RIN3: variants seen among roughly 807,000 people sequenced by gnomAD.
RIN3 encodes the protein Ras and Rab interactor 3, also known as RAB5 interacting protein 3.
RIN3 carries 54 observed loss-of-function variants against 76.3 expected under a neutral mutation model. The ratio of observed to expected loss-of-function variants is 0.71; its 90% CI spans 0.57 to 0.89. The LOEUF (loss-of-function observed/expected upper bound fraction) is 0.89. Among genes scored for constraint, RIN3 ranks in the 40% least tolerant of loss-of-function variants. The pLI is 0.00. For synonymous variants in RIN3, 576 were observed against 564.0 expected, an observed-to-expected ratio of 1.02 and a Z score of -0.30; for missense variants, 1,256 against 1,322.1, an observed-to-expected ratio of 0.95 and a Z score of 0.78.
intron 3 of RIN3, among the ~76,000 whole-genome samples, chr14:92,604,298 G>T (rs1885450034): frequency 1.3e-5 from 2 of 152,250 alleles, no homozygotes; most frequent in South Asian, 2.1e-4. Context: ...TATCCTCAGG[G>T]TCTGCGCCCC....
At chr14:92,676,692 C>A in intron 8 of RIN3, 86 bp downstream of exon 8, 2 of 1,447,966 alleles carry the variant, frequency 1.4e-6, no homozygotes, top group Admixed American at 1.8e-5. Flanking sequence ...CCAACAAGCA[C>A]CTCCTGGATG....
At chr14:92,663,972 T>C (rs1248615802) in intron 7 of RIN3, among the ~76,000 whole-genome samples, 1 of 152,182 alleles carries the variant, frequency 6.6e-6, no homozygotes, top group Non-Finnish European at 1.5e-5. Flanking sequence ...CGCCTCTCTC[T>C]GGGCTATTGT....
At position 92,539,195 on chromosome 14, in the gene RIN3, T is replaced by C. The variant is rs1272967138; in HGVS notation, c.45-16556T>C. Among the ~76,000 whole-genome samples the C allele has an allele frequency of 2.6e-5, 4 of 152,152 alleles. No individual in the cohort carries two copies. In the South Asian group the frequency reaches 6.2e-4, roughly 24 times the overall value. Reference sequence around the variant, plus strand: ...TGGGGATCTTGGGGTGGGGGGGATGTCAGCTGCTCTTTCATATGACTGTTG... The same window carrying C: ...TGGGGATCTTGGGGTGGGGGGGATGCCAGCTGCTCTTTCATATGACTGTTG... On this transcript the variant is annotated intron_variant, in intron 1 of 9. Coordinates refer to ENST00000216487, the MANE Select transcript of RIN3 (RefSeq NM_024832.5).
At chr14:92,663,708 G>A (rs139859751) in intron 7 of RIN3, among the ~76,000 whole-genome samples, 9 of 152,300 alleles carry the variant, frequency 5.9e-5, no homozygotes, top group Non-Finnish European at 8.8e-5. Flanking sequence ...TGCTCAAATC[G>A]GTTTGGGATT....
At position 92,652,599 on chromosome 14, in the gene RIN3, C is replaced by T. The variant is rs758579918; in HGVS notation, c.1550C>T (p.Ala517Val). ...QAGTQHPPAQ[A>V]TAHSQSSPEF... ...GGGACTCAGCACCCTCCTGCCCAGGCCACTGCCCATTCCCAGAGCTCTCCA... is the reference window on the plus strand; with the variant it reads ...GGGACTCAGCACCCTCCTGCCCAGGTCACTGCCCATTCCCAGAGCTCTCCA... The change falls in exon 6 of 10, where the codon GCC (alanine) becomes GTC (valine). Residue 517 changes from alanine to valine, a missense_variant. Ala to Val is a moderately conservative substitution (Grantham distance 64, BLOSUM62 0). Coordinates refer to ENST00000216487, the MANE Select transcript of RIN3 (RefSeq NM_024832.5). This position sits in a 1 kb window ranked among gnomAD's most constrained non-coding sequence, Gnocchi z 6.4. The T allele has an allele frequency of 6.2e-7, 1 of 1,611,390 alleles. No individual in the cohort carries two copies. The highest frequency in any genetic ancestry group is 1.7e-5 in the Admixed American group (1 of 60,026).
intron 1 of RIN3, among the ~76,000 whole-genome samples, chr14:92,541,383 T>C (rs932362725): frequency 3.9e-5 from 6 of 152,340 alleles, no homozygotes; most frequent in African/African-American, 1.4e-4. Context: ...TCTGTGCTGC[T>C]CAGGGCACAC....
intron 1 of RIN3, among the ~76,000 whole-genome samples, chr14:92,542,561 A>G (rs944481123): frequency 1.3e-5 from 2 of 152,170 alleles, no homozygotes; most frequent in Admixed American, 1.3e-4. Flanking sequence ...GCAATTCCAC[A>G]CCTAGATATA....
chr14:92,658,417 G>A (rs969828051), intron 6 of RIN3, among the ~76,000 whole-genome samples: 7 of 152,348 alleles, frequency 4.6e-5, no homozygotes, highest in African/African-American at 1.7e-4. Context: ...ATGAGTGAGA[G>A]GTCACAGGGC....
Position 92,513,989 on chromosome 14 carries a change from G to A in RIN3, c.44+13G>A. On this transcript the variant is annotated intron_variant, in intron 1 of 9. Transcript: ENST00000216487. ...GGGACCCCACGGGGTAAGTCCGGGCGGCCGCCCCCTCCTCCCTCGCGATCC... is the reference window on the plus strand; with the variant it reads ...GGGACCCCACGGGGTAAGTCCGGGCAGCCGCCCCCTCCTCCCTCGCGATCC... The A allele has an allele frequency of 8.1e-7, 1 of 1,234,184 alleles. No homozygotes were observed. Among genetic ancestry groups the A allele is most frequent in the Non-Finnish European group, 1.0e-6 (1 of 988,196 alleles). The allele number at this position is 1,234,184 out of a possible 1,614,324, so 76.5% of individuals were successfully genotyped here.
chr14:92,621,822 G>C (rs1236940960), intron 4 of RIN3, among the ~76,000 whole-genome samples: 1 of 152,152 alleles, frequency 6.6e-6, no homozygotes, highest in African/African-American at 2.4e-5. Context: ...ACATCTAGAC[G>C]TGTATACACA....
intron 3 of RIN3, among the ~76,000 whole-genome samples, chr14:92,584,655 A>G (rs1884701192): frequency 6.6e-6 from 1 of 151,966 alleles, no homozygotes; most frequent in Non-Finnish European, 1.5e-5. Context: ...GGGGCAGGGG[A>G]TGTATGGGAT....
intron 8 of RIN3, among the ~76,000 whole-genome samples, chr14:92,677,600 G>C (rs1888514424): frequency 6.6e-6 from 1 of 152,092 alleles, no homozygotes. Context: ...GTGGCACTGG[G>C]ACCTCTGTAT....
rs528176732 is a variant in RIN3 at position 92,681,229 on chromosome 14, C to T, written c.2468-3758C>T. On this transcript the variant is annotated intron_variant, in intron 8 of 9. Coordinates refer to ENST00000216487, the MANE Select transcript of RIN3 (RefSeq NM_024832.5). The surrounding 1 kb of genome is among the most constrained non-coding windows in gnomAD (Gnocchi z 4.7). Reference sequence around the variant, plus strand: ...AGAGAAAAGCCTGCTCCAGAACTCACGGTAGGGCCGCCTGCCACCTAGTGG... The same window carrying T: ...AGAGAAAAGCCTGCTCCAGAACTCATGGTAGGGCCGCCTGCCACCTAGTGG... Among the ~76,000 whole-genome samples, 227 of 152,284 alleles carry T rather than the reference C, an allele frequency of 1.5e-3. 8 individuals are homozygous for T. In the South Asian group the frequency reaches 0.046, roughly 31 times the overall value.
rs1415093049 is a variant in RIN3, at chr14:92,656,261, C to T, written c.2027-2900C>T. On this transcript the variant is annotated intron_variant, in intron 6 of 9. Coordinates refer to ENST00000216487, the MANE Select transcript of RIN3 (RefSeq NM_024832.5). The surrounding 1 kb of genome is among the most constrained non-coding windows in gnomAD (Gnocchi z 5.2). ...AAGGGATGACAGCGTGGACAAAGGC[C>T]GAGAGGTGGGGAACGAGGCTGGAGG... 1.3e-5 allele frequency among the ~76,000 whole-genome samples: 2 copies of T among 152,168 alleles called. No homozygotes were observed. Among genetic ancestry groups the T allele is most frequent in the South Asian group, 2.1e-4 (1 of 4,824 alleles).
chr14:92,674,660 G>A (rs187227286), intron 7 of RIN3, among the ~76,000 whole-genome samples: 25 of 151,976 alleles, frequency 1.6e-4, no homozygotes, highest in Admixed American at 3.3e-4. Context: ...AGGCTGAGAC[G>A]GGCGGATCAC....
intron 2 of RIN3, among the ~76,000 whole-genome samples, chr14:92,560,313 G>A (rs1280170341): frequency 1.3e-5 from 2 of 152,080 alleles, no homozygotes; most frequent in African/African-American, 4.8e-5. Context: ...CCCTTCTGAG[G>A]GCGTAGCAGC....
intron 3 of RIN3, among the ~76,000 whole-genome samples, chr14:92,591,446 C>G (rs1884976779): frequency 6.6e-6 from 1 of 151,978 alleles, no homozygotes; most frequent in Non-Finnish European, 1.5e-5. Flanking sequence ...CTGAGAACTT[C>G]CTCAAATTAA....
intron 4 of RIN3, 89 bp from the exon 5 acceptor site, chr14:92,641,149 A>G (rs961227537): frequency 3.0e-6 from 3 of 1,004,678 alleles, no homozygotes; most frequent in Non-Finnish European, 4.8e-6. Flanking sequence ...CCTGGCAGCC[A>G]GCAGAGATTG....
chr14:92,665,370 C>CTT (rs55818571), intron 7 of RIN3, among the ~76,000 whole-genome samples: 23 of 83,610 alleles, frequency 2.8e-4, no homozygotes, highest in East Asian at 3.6e-4. Flanking sequence ...GCCTTTGTCT[C>CTT]TTTTTTTTTT....
Sources: gnomAD v4.1 joint callset for allele counts (sites outside exome capture counted in the v4.1 genomes callset) on GRCh38, gnomAD v4.1.1 for gene constraint, Gnocchi (gnomAD v3.1) non-coding constraint, MANE v1.5 for transcripts, NCBI Gene and HGNC (gene_info 2026-07-23, HGNC 2026-07-21) for gene names.